The following C1orf141 variants were observed in gnomAD, a reference collection of about 807,000 sequenced individuals.
C1orf141 encodes chromosome 1 open reading frame 141.
C1orf141 carries 19 observed loss-of-function variants against 23.2 expected under a neutral mutation model. That is an observed-to-expected ratio of 0.82 (90% CI 0.57 to 1.20). C1orf141 has a LOEUF of 1.20. C1orf141 is among the 50% of genes most tolerant of loss of function. The probability of loss-of-function intolerance (pLI) is 0.00; values close to 1 mark genes in which losing one functional copy is unlikely to be tolerated. For missense variants in C1orf141, 469 were observed against 455.1 expected, an observed-to-expected ratio of 1.03 and a Z score of -0.28; for synonymous variants, 153 against 154.6, an observed-to-expected ratio of 0.99 and a Z score of 0.08.
intron 7 of C1orf141, 157 bp from the exon 8 acceptor site, chr1:67,093,761 A>G: frequency 2.0e-6 from 1 of 504,060 alleles, no homozygotes; most frequent in Non-Finnish European, 3.3e-6. Flanking sequence ...ACATGAAAAT[A>G]CTGTACTTGT....
At chr1:67,099,496 G>T (rs12239376) in intron 5 of C1orf141, among the ~76,000 whole-genome samples, 15,309 of 152,178 alleles carry the variant, frequency 0.1, 1,227 homozygotes, top group African/African-American at 0.22. Context: ...GAACACAGAT[G>T]GGGCTGAGTG....
At chr1:67,137,036 A>G (rs924602274), upstream of C1orf141, among the ~76,000 whole-genome samples, 2 of 152,208 alleles carry the variant, frequency 1.3e-5, no homozygotes, top group African/African-American at 2.4e-5. Flanking sequence ...TATAAACTGT[A>G]TACTATAAGA....
At chr1:67,109,523 G>T (rs1288436773) in intron 5 of C1orf141, among the ~76,000 whole-genome samples, 1 of 152,044 alleles carries the variant, frequency 6.6e-6, no homozygotes, top group Non-Finnish European at 1.5e-5. Flanking sequence ...ACAATAGAGA[G>T]AATGAATAAA....
At chr1:67,139,652 G>A (rs944537001), upstream of C1orf141, among the ~76,000 whole-genome samples, 6 of 152,234 alleles carry the variant, frequency 3.9e-5, no homozygotes, top group Admixed American at 6.5e-5. Context: ...TGTCCCCTCC[G>A]AAAGTCATGT....
At chr1:67,126,058 C>T (rs767134609) in intron 3 of C1orf141, 149 bp from the exon 4 acceptor site, 65 of 897,268 alleles carry the variant, frequency 7.2e-5, no homozygotes, top group Middle Eastern at 3.4e-4. Flanking sequence ...ATAGTACAGA[C>T]TGAAAATTGG....
Position 67,093,270 on chromosome 1 carries a change from GTATTCCAA to G in C1orf141, c.930_937del (p.Trp311ThrfsTer3). 12 of 1,613,756 alleles carry G rather than the reference GTATTCCAA, an allele frequency of 7.4e-6. No homozygotes were observed. Among genetic ancestry groups the G allele is most frequent in the Non-Finnish European group, 1.0e-5 (12 of 1,179,752 alleles). On this transcript the variant is annotated frameshift_variant, in exon 8 of 8. Coordinates refer to ENST00000684719, the MANE Select transcript of C1orf141 (RefSeq NM_001276351.2). LOFTEE classifies it low-confidence loss of function (END_TRUNC). ...AAAATTCTGTGAGAAATTATAGAGTGTATTCCAAGATCTGTTTTCTAGTGTCTGCTTAT... is the reference window on the plus strand; with the variant it reads ...AAAATTCTGTGAGAAATTATAGAGTGGATCTGTTTTCTAGTGTCTGCTTAT...
chr1:67,134,730 G>A (rs76242423), intron 1 of C1orf141, among the ~76,000 whole-genome samples, 200 bp downstream of exon 1: 1 of 152,118 alleles, frequency 6.6e-6, no homozygotes, highest in Non-Finnish European at 1.5e-5. Context: ...AGAGCCCCCC[G>A]GGCTCGCCTC....
chr1:67,122,270 C>G (rs1646315228), intron 4 of C1orf141: 1 of 152,230 alleles, frequency 6.6e-6, no homozygotes. Context: ...CTCCTGACCT[C>G]AGGTGATCAG....
intron 4 of C1orf141, among the ~76,000 whole-genome samples, chr1:67,118,994 T>G (rs1437652156): frequency 1.3e-5 from 2 of 152,136 alleles, no homozygotes; most frequent in East Asian, 3.8e-4. Context: ...TAATGAGCAG[T>G]GGGGTGCTGC....
intron 5 of C1orf141, chr1:67,102,802 T>A (rs1412604658): frequency 6.6e-6 from 1 of 152,256 alleles, no homozygotes; most frequent in East Asian, 1.9e-4. Flanking sequence ...CTGATGACAT[T>A]ATAAAGCCCC....
intron 5 of C1orf141, chr1:67,103,420 T>G: frequency 7.9e-7 from 1 of 1,262,790 alleles, no homozygotes; most frequent in East Asian, 2.7e-5. Context: ...TCTTAGAAAC[T>G]ATTTCTTTCC....
At chr1:67,095,810 AG>A (rs1483107967) in intron 6 of C1orf141, 1 of 183,946 alleles carries the variant, frequency 5.4e-6, no homozygotes. Flanking sequence ...TAGTGTGGTC[AG>A]GCAGAGACAG....
chr1:67,128,574 C>A (rs932038035), intron 2 of C1orf141, among the ~76,000 whole-genome samples: 3 of 151,842 alleles, frequency 2.0e-5, no homozygotes, highest in African/African-American at 7.3e-5. Context: ...CGTGGTGCCA[C>A]ATGCTTGTAA....
chr1:67,106,253 G>A (rs953925290), intron 5 of C1orf141, among the ~76,000 whole-genome samples: 4 of 152,228 alleles, frequency 2.6e-5, no homozygotes, highest in Non-Finnish European at 4.4e-5. Context: ...AAAGAACCAA[G>A]AAAGTGAGAC....
At chr1:67,135,906 C>CGAAAA (rs1646580954), upstream of C1orf141, among the ~76,000 whole-genome samples, 1 of 62,620 alleles carries the variant, frequency 1.6e-5, no homozygotes, top group African/African-American at 7.6e-5. Context: ...GGCAAAACTG[C>CGAAAA]AAAAAAAAAA....
chr1:67,114,216 T>C (rs1327312195), intron 5 of C1orf141, among the ~76,000 whole-genome samples: 2 of 152,100 alleles, frequency 1.3e-5, no homozygotes, highest in Non-Finnish European at 2.9e-5. Flanking sequence ...CCTGGATGTT[T>C]TAGGGAAAGT....
At chr1:67,139,112 C>G (rs1307802223), upstream of C1orf141, 1 of 152,420 alleles carries the variant, frequency 6.6e-6, no homozygotes, top group Admixed American at 6.5e-5. Context: ...CAGGGTCAAG[C>G]GATCACTGAA....
intron 4 of C1orf141, among the ~76,000 whole-genome samples, chr1:67,117,315 C>A (rs1303072837): frequency 2.0e-5 from 3 of 152,022 alleles, no homozygotes; most frequent in Non-Finnish European, 4.4e-5. Flanking sequence ...CCCAGCTACT[C>A]GGGAGGCTGA....
At chr1:67,133,913 C>G (rs76091599) in intron 1 of C1orf141, among the ~76,000 whole-genome samples, 6,820 of 152,292 alleles carry the variant, frequency 0.045, 173 homozygotes, top group East Asian at 0.074. Flanking sequence ...ACAGTCCCAG[C>G]AAGCTAGTAC....
Sources: gnomAD v4.1 joint callset for allele counts (sites outside exome capture counted in the v4.1 genomes callset) on GRCh38, gnomAD v4.1.1 for gene constraint, MANE v1.5 for transcripts, NCBI Gene and HGNC (gene_info 2026-07-23, HGNC 2026-07-21) for gene names.